The following SCTR variants were observed in gnomAD, a reference collection of about 807,000 sequenced individuals.
SCTR encodes secretin receptor.
In SCTR, 56 loss-of-function variants were observed where a neutral mutation model predicts 60.8. That is an observed-to-expected ratio of 0.92 (90% confidence interval 0.74 to 1.15). SCTR has a LOEUF of 1.15. Ranked by LOEUF, SCTR falls within the 50% of genes most tolerant of loss-of-function variation. The pLI is 0.00. For synonymous variants in SCTR, 202 were observed against 217.0 expected, an observed-to-expected ratio of 0.93 and a Z score of 0.61; for missense variants, 562 against 550.4, an observed-to-expected ratio of 1.02 and a Z score of -0.21.
intron 7 of SCTR, among the ~76,000 whole-genome samples, chr2:119,455,587 G>C (rs775858436): frequency 1.3e-5 from 2 of 152,216 alleles, no homozygotes; most frequent in Non-Finnish European, 2.9e-5. Context: ...GAACAAGAAA[G>C]GGGGCTTAGG....
intron 3 of SCTR, among the ~76,000 whole-genome samples, chr2:119,474,303 G>A (rs114945030): frequency 0.015 from 2,352 of 152,306 alleles, 67 homozygotes; most frequent in African/African-American, 0.054. Flanking sequence ...GGGATAAAGA[G>A]CCTGCCCTGA....
chr2:119,503,087 A>G (rs890408085), intron 1 of SCTR, among the ~76,000 whole-genome samples: 2 of 150,264 alleles, frequency 1.3e-5, no homozygotes, highest in Admixed American at 1.3e-4. Context: ...TGAACCTGGG[A>G]AGCAGAGCTT....
chr2:119,460,576 C>T (rs1683564523), intron 7 of SCTR, among the ~76,000 whole-genome samples: 1 of 152,052 alleles, frequency 6.6e-6, no homozygotes, highest in South Asian at 2.1e-4. Context: ...TGGTATGTTA[C>T]GTTGTGTCTG....
chr2:119,457,815 G>A (rs1683431758), intron 7 of SCTR, among the ~76,000 whole-genome samples: 1 of 152,168 alleles, frequency 6.6e-6, no homozygotes, highest in African/African-American at 2.4e-5. Flanking sequence ...ATTGATTTTA[G>A]AAACACGAGA....
rs755484477 is a variant in SCTR at position 119,446,755 on chromosome 2, T to G, written c.1140+4A>C. 2 of 1,515,606 alleles carry G rather than the reference T, an allele frequency of 1.3e-6. No homozygotes were observed. Among genetic ancestry groups the G allele is most frequent in the Non-Finnish European group, 1.8e-6 (2 of 1,126,948 alleles). 93.9% of individuals were successfully genotyped at this position (1,515,606 alleles called of 1,614,324 possible). On this transcript the variant is annotated splice_donor_region_variant and intron_variant, in intron 11 of 12. Coordinates refer to ENST00000019103, the MANE Select transcript of SCTR (RefSeq NM_002980.3). The stretch of plus-strand genomic sequence containing the variant: ...AGCTGGCAGCCCCAGTCCTGGAAAC[T>G]TACCTGGAATGAGCCAAGGGCTAGT...
intron 11 of SCTR, 42 bp downstream of exon 11, chr2:119,446,717 A>G (rs1392923952): frequency 2.1e-6 from 3 of 1,430,342 alleles, no homozygotes; most frequent in Non-Finnish European, 2.8e-6. Flanking sequence ...GGACACAGAG[A>G]ACTCCTCTTT....
chr2:119,461,784 G>T, intron 7 of SCTR, 63 bp downstream of exon 7: 1 of 1,317,034 alleles, frequency 7.6e-7, no homozygotes, highest in Non-Finnish European at 1.0e-6. Flanking sequence ...CGAACCCTCC[G>T]ACTCTCGACT....
intron 1 of SCTR, among the ~76,000 whole-genome samples, chr2:119,495,718 C>T (rs1020736321): frequency 1.3e-5 from 2 of 152,204 alleles, no homozygotes; most frequent in African/African-American, 4.8e-5. Context: ...CGGAAAGGAT[C>T]TACCAGCTGC....
intron 3 of SCTR, 112 bp downstream of exon 3, chr2:119,478,699 A>G (rs1677450477): frequency 5.8e-6 from 5 of 857,118 alleles, no homozygotes; most frequent in Non-Finnish European, 9.3e-6. Context: ...CCATCATTGT[A>G]CCCATACTTG....
chr2:119,520,855 C>A (rs964795909), intron 1 of SCTR, among the ~76,000 whole-genome samples: 2 of 152,176 alleles, frequency 1.3e-5, no homozygotes, highest in African/African-American at 4.8e-5. Context: ...GAAATGAATA[C>A]CTATTGTTAG....
chr2:119,443,455 TTTC>T (rs901848086), intron 11 of SCTR, among the ~76,000 whole-genome samples: 3 of 152,236 alleles, frequency 2.0e-5, no homozygotes, highest in African/African-American at 7.2e-5. Flanking sequence ...TCTAGATTTT[TTTC>T]TTATTATTTT....
chr2:119,462,780 C>T (rs1311640513), intron 6 of SCTR, among the ~76,000 whole-genome samples: 2 of 152,348 alleles, frequency 1.3e-5, no homozygotes, highest in Non-Finnish European at 2.9e-5. Context: ...GAAGGAGGAG[C>T]GCCCGGTGCT....
At chr2:119,523,361 T>C (rs1679344363) in intron 1 of SCTR, among the ~76,000 whole-genome samples, 1 of 150,930 alleles carries the variant, frequency 6.6e-6, no homozygotes, top group African/African-American at 2.4e-5. Flanking sequence ...GAATTTCTGT[T>C]GGAAAGAAAA....
At chr2:119,501,973 T>A (rs564404810) in intron 1 of SCTR, among the ~76,000 whole-genome samples, 2 of 152,316 alleles carry the variant, frequency 1.3e-5, no homozygotes, top group African/African-American at 4.8e-5. Flanking sequence ...AAAAACCCAG[T>A]GGCCAGGCGT....
chr2:119,472,975 G>A (rs1406033044), intron 4 of SCTR, among the ~76,000 whole-genome samples: 3 of 152,162 alleles, frequency 2.0e-5, no homozygotes, highest in Admixed American at 2.0e-4. Flanking sequence ...CCCAACTCAG[G>A]ATGCACATAT....
At chr2:119,509,870 C>T (rs1298614425) in intron 1 of SCTR, among the ~76,000 whole-genome samples, 1 of 152,066 alleles carries the variant, frequency 6.6e-6, no homozygotes. Flanking sequence ...TAAGAATTTG[C>T]CTATTCTAGA....
At position 119,440,914 on chromosome 2, in the gene SCTR, C is replaced by T. The variant is rs1682633543; in HGVS notation, c.1182+644G>A. On this transcript the variant is annotated intron_variant, in intron 12 of 12. Coordinates refer to ENST00000019103, the MANE Select transcript of SCTR (RefSeq NM_002980.3). The stretch of plus-strand genomic sequence containing the variant: ...TTTTGGGAAACATCAAAGATCACTC[C>T]CATTCAAGTGCAACAAACCAGATAG... Among the ~76,000 whole-genome samples the T allele has an allele frequency of 2.0e-5, 3 of 152,218 alleles. No individual in the cohort carries two copies. The South Asian group carries it at 6.2e-4, about 32-fold the overall frequency.
intron 1 of SCTR, among the ~76,000 whole-genome samples, chr2:119,499,735 A>C (rs1021334477): frequency 6.6e-6 from 1 of 152,106 alleles, no homozygotes; most frequent in African/African-American, 2.4e-5. Flanking sequence ...AATGTCCATT[A>C]ATGAAAAAAC....
At chr2:119,475,511 C>A (rs1050178654) in intron 3 of SCTR, among the ~76,000 whole-genome samples, 1 of 151,862 alleles carries the variant, frequency 6.6e-6, no homozygotes, top group African/African-American at 2.4e-5. Flanking sequence ...TGCCTCCCCA[C>A]TTCCCCAGGG....
Sources: gnomAD v4.1 joint callset for allele counts (sites outside exome capture counted in the v4.1 genomes callset) on GRCh38, gnomAD v4.1.1 for gene constraint, MANE v1.5 for transcripts, NCBI Gene and HGNC (gene_info 2026-07-23, HGNC 2026-07-21) for gene names.